The following LRRC7 variants were observed in gnomAD, a reference collection of about 807,000 sequenced individuals.
LRRC7 encodes the protein leucine-rich repeat-containing protein 7.
In LRRC7, 23 loss-of-function variants were observed where a neutral mutation model predicts 175.7. That is an observed-to-expected ratio of 0.13 (90% CI 0.09 to 0.19). LRRC7 has a LOEUF of 0.19. Ranked by LOEUF, LRRC7 falls within the 10% of genes least tolerant of loss-of-function variation. The pLI, the probability that LRRC7 is intolerant of heterozygous loss-of-function variation, is 1.00. For synonymous variants in LRRC7, 685 were observed against 680.9 expected, an observed-to-expected ratio of 1.01 and a Z score of -0.09; for missense variants, 1,354 against 1,904.7, an observed-to-expected ratio of 0.71 and a Z score of 5.38.
chr1:69,868,073 T>C (rs1270178083), intron 7 of LRRC7, among the ~76,000 whole-genome samples: 1 of 152,092 alleles, frequency 6.6e-6, no homozygotes, highest in Non-Finnish European at 1.5e-5. Flanking sequence ...ATCAAAAACA[T>C]CTTCTGAATT....
chr1:69,607,605 C>T (rs1038218970), intron 1 of LRRC7: 3 of 152,176 alleles, frequency 2.0e-5, no homozygotes, highest in Admixed American at 2.0e-4. Flanking sequence ...CTAGGTGAAT[C>T]AGCCTTGATG....
At chr1:69,706,029 CTTCTT>C (rs755177514) in intron 2 of LRRC7, among the ~76,000 whole-genome samples, 17 of 152,140 alleles carry the variant, frequency 1.1e-4, no homozygotes, top group Admixed American at 2.0e-4. Context: ...ATGCAACTCT[CTTCTT>C]TTCGTAATTT....
rs925382658 is a variant in LRRC7, at chr1:70,142,515, A to G, written c.*20628A>G. On this transcript the variant is annotated 3_prime_UTR_variant, in exon 27 of 27. Transcript: ENST00000651989. Reference sequence around the variant, plus strand: ...AATCAAGTTTCTCTTTGTACTCAGTAGGGACTAAAGGAAGCTTAAGGATAA... The same window carrying G: ...AATCAAGTTTCTCTTTGTACTCAGTGGGGACTAAAGGAAGCTTAAGGATAA... 7 of 152,148 alleles carry G rather than the reference A, an allele frequency of 4.6e-5. No individual in the cohort carries two copies. The highest frequency in any genetic ancestry group is 1.0e-4 in the Non-Finnish European group (7 of 67,970). The allele number at this position is 152,148 out of a possible 1,614,324, so 9.4% of individuals were successfully genotyped here. A position where few individuals can be genotyped will look rare whatever the true frequency, so the allele number is the denominator to read the frequency against.
intron 8 of LRRC7, among the ~76,000 whole-genome samples, chr1:69,934,618 G>C (rs1161070294): frequency 6.6e-6 from 1 of 151,008 alleles, no homozygotes; most frequent in Non-Finnish European, 1.5e-5. Context: ...ATGAGAGTAA[G>C]GATCATTCAT....
At chr1:69,641,767 C>T (rs931021957) in intron 1 of LRRC7, among the ~76,000 whole-genome samples, 1 of 151,512 alleles carries the variant, frequency 6.6e-6, no homozygotes, top group Non-Finnish European at 1.5e-5. Context: ...ATATAATCAT[C>T]AAGACATTTG....
intron 4 of LRRC7, among the ~76,000 whole-genome samples, chr1:69,807,362 C>T (rs139525907): frequency 0.01 from 1,548 of 151,990 alleles, 27 homozygotes; most frequent in African/African-American, 0.035. Flanking sequence ...TTATTTTGCT[C>T]GTTAGTTGAT....
chr1:69,681,987 T>C (rs1390023224), intron 2 of LRRC7, among the ~76,000 whole-genome samples: 1 of 152,264 alleles, frequency 6.6e-6, no homozygotes, highest in East Asian at 1.9e-4. Flanking sequence ...TCTCACTAGG[T>C]TGAAGTCTTA....
chr1:70,124,754 T>TA lies in LRRC7; in HGVS notation c.*2867_*2868insA, dbSNP rs1300472291. 5.8e-5 allele frequency among the ~76,000 whole-genome samples: 8 copies of TA among 136,806 alleles called. No homozygotes were observed. Among genetic ancestry groups the TA allele is most frequent in the Admixed American group, 3.0e-4 (4 of 13,346 alleles). The allele number at this position is 136,806 out of a possible 152,430, so 89.8% of individuals were successfully genotyped here. A position where few individuals can be genotyped will look rare whatever the true frequency, so the allele number is the denominator to read the frequency against. On this transcript the variant is annotated 3_prime_UTR_variant, in exon 27 of 27. Coordinates refer to ENST00000651989, the MANE Select transcript of LRRC7 (RefSeq NM_001370785.2). ...TAAAAAAAAGTCAAGGGTGTGCCTT[T>TA]TAAAAAAAAAAAAGAAAAATCAATA...
At chr1:69,613,428 T>C (rs1649119567) in intron 1 of LRRC7, among the ~76,000 whole-genome samples, 1 of 151,976 alleles carries the variant, frequency 6.6e-6, no homozygotes, top group Non-Finnish European at 1.5e-5. Context: ...TTTCAACATA[T>C]GAATTTATGG....
At chr1:70,021,262 T>C (rs1445127540) in intron 16 of LRRC7, 133 bp downstream of exon 16, 1 of 810,064 alleles carries the variant, frequency 1.2e-6, no homozygotes, top group Non-Finnish European at 1.9e-6. Context: ...CATTACAGCA[T>C]GCTGGTAGTT....
intron 8 of LRRC7, among the ~76,000 whole-genome samples, chr1:69,944,929 T>C (rs946359536): frequency 6.6e-6 from 1 of 152,216 alleles, no homozygotes; most frequent in Non-Finnish European, 1.5e-5. Context: ...GATATGTAGT[T>C]TGCAAATACT....
At chr1:69,823,790 T>C (rs1468064585) in intron 4 of LRRC7, among the ~76,000 whole-genome samples, 1 of 152,156 alleles carries the variant, frequency 6.6e-6, no homozygotes, top group South Asian at 2.1e-4. Context: ...TTTGTGCCAA[T>C]TGCTTTTCTG....
At position 70,064,639 on chromosome 1, in the gene LRRC7, T is replaced by TTTTTG. The variant is rs1553198622; in HGVS notation, c.4231-11436_4231-11435insTTGTT. Among the ~76,000 whole-genome samples the TTTTTG allele has an allele frequency of 6.0e-5, 9 of 151,120 alleles. 1 individual carries two copies. Among genetic ancestry groups the TTTTTG allele is most frequent in the African/African-American group, 1.9e-4 (8 of 41,180 alleles). ...AGTACTTTTTGGCACTGCTTGGTAT[T>TTTTTG]TTGTTGTTGTTGTTGTTGTTGTTGT... is the stretch of plus-strand genomic sequence containing the variant. On this transcript the variant is annotated intron_variant, in intron 23 of 26. Transcript: ENST00000651989.
chr1:69,906,541 C>A, intron 7 of LRRC7, among the ~76,000 whole-genome samples: 1 of 152,062 alleles, frequency 6.6e-6, no homozygotes, highest in Non-Finnish European at 1.5e-5. Flanking sequence ...GCTTGTTTTT[C>A]TCAGGTTTGT....
chr1:69,914,615 T>C (rs1646632025), intron 7 of LRRC7, among the ~76,000 whole-genome samples: 1 of 152,172 alleles, frequency 6.6e-6, no homozygotes, highest in Admixed American at 6.6e-5. Context: ...CTAGTGACAA[T>C]TTTATAATAA....
At chr1:70,078,720 A>T (rs1444841746) in intron 24 of LRRC7, among the ~76,000 whole-genome samples, 1 of 152,020 alleles carries the variant, frequency 6.6e-6, no homozygotes, top group Admixed American at 6.6e-5. Context: ...TCCTGATCAA[A>T]TGAGAACATT....
chr1:70,011,707 T>C (rs1656524306), intron 11 of LRRC7, 90 bp from the exon 12 acceptor site: 1 of 832,446 alleles, frequency 1.2e-6, no homozygotes, highest in Non-Finnish European at 1.9e-6. Flanking sequence ...TGAATAACTT[T>C]TGTTTTGGTG....
intron 1 of LRRC7, among the ~76,000 whole-genome samples, chr1:69,636,117 A>G (rs1241544041): frequency 6.6e-6 from 1 of 152,012 alleles, no homozygotes; most frequent in African/African-American, 2.4e-5. Context: ...AGAATCTACC[A>G]TGCATCAATT....
chr1:70,131,625 GTCT>G lies in LRRC7; in HGVS notation c.*9745_*9747del, dbSNP rs1488183329. 1.3e-5 allele frequency among the ~76,000 whole-genome samples: 2 copies of G among 152,012 alleles called. No homozygotes were observed. The highest frequency in any genetic ancestry group is 4.8e-5 in the African/African-American group (2 of 41,386). The stretch of plus-strand genomic sequence containing the variant: ...ACTTGATAACTATCAAGTTAATTAT[GTCT>G]TCTTCTCATAAAATTTTTGATTTAG... On this transcript the variant is annotated 3_prime_UTR_variant, in exon 27 of 27. Transcript: ENST00000651989.
Sources: allele counts gnomAD v4.1 joint callset (sites outside exome capture counted in the v4.1 genomes callset), GRCh38; gene constraint gnomAD v4.1.1; transcripts MANE v1.5; gene names NCBI Gene and HGNC (gene_info 2026-07-23, HGNC 2026-07-21).